NTM: variants seen among roughly 807,000 people sequenced by gnomAD.
NTM encodes IgLON family member 2.
A neutral mutation model predicts 42.1 loss-of-function variants in NTM; 13 were observed. The ratio of observed to expected loss-of-function variants is 0.31; its 90% CI spans 0.20 to 0.49. The LOEUF (loss-of-function observed/expected upper bound fraction) is 0.49. NTM is among the 20% of genes least tolerant of loss of function. NTM has a pLI of 0.99. For synonymous variants in NTM, 187 were observed against 179.2 expected (o/e 1.04, Z -0.35); for missense variants, 373 against 452.8 (o/e 0.82, Z 1.60).
intron 2 of NTM, among the ~76,000 whole-genome samples, chr11:131,965,477 C>T (rs935349075): frequency 1.3e-5 from 2 of 152,094 alleles, no homozygotes; most frequent in African/African-American, 2.4e-5. Flanking sequence ...AAAAGGGCAT[C>T]GGCACATTAT....
At chr11:131,753,037 T>C (rs1236752547) in intron 1 of NTM, among the ~76,000 whole-genome samples, 1 of 126,080 alleles carries the variant, frequency 7.9e-6, no homozygotes. Flanking sequence ...CACAAACAAA[T>C]TTACAAGAAA....
At chr11:131,690,610 A>G (rs1008766924) in intron 1 of NTM, among the ~76,000 whole-genome samples, 1 of 152,256 alleles carries the variant, frequency 6.6e-6, no homozygotes, top group African/African-American at 2.4e-5. Context: ...ACGGAAATAC[A>G]GAACACACTT....
At chr11:131,928,149 C>G (rs576564572) in intron 2 of NTM, among the ~76,000 whole-genome samples, 3 of 151,782 alleles carry the variant, frequency 2.0e-5, no homozygotes, top group Admixed American at 6.6e-5. Flanking sequence ...AAACCAACAT[C>G]GGTAGAAGCA....
intron 2 of NTM, among the ~76,000 whole-genome samples, chr11:132,034,662 C>T (rs1364268187): frequency 6.6e-6 from 1 of 152,168 alleles, no homozygotes; most frequent in Non-Finnish European, 1.5e-5. Flanking sequence ...AGTTTAGGGA[C>T]AAAGGAACCT....
intron 1 of NTM, among the ~76,000 whole-genome samples, chr11:131,888,948 AC>A (rs1435628845): frequency 1.3e-5 from 2 of 151,166 alleles, no homozygotes; most frequent in Non-Finnish European, 2.9e-5. Flanking sequence ...AGGACCGTGG[AC>A]ATAATTTGTA....
chr11:132,076,677 T>A (rs1447559091), intron 2 of NTM, among the ~76,000 whole-genome samples: 1 of 152,208 alleles, frequency 6.6e-6, no homozygotes, highest in Non-Finnish European at 1.5e-5. Context: ...TGAACATGCA[T>A]CCATGTTTTT....
At chr11:132,154,098 G>T (rs544557454) in intron 3 of NTM, among the ~76,000 whole-genome samples, 1 of 152,156 alleles carries the variant, frequency 6.6e-6, no homozygotes, top group African/African-American at 2.4e-5. Flanking sequence ...ATGGTCACAG[G>T]GCAGAGTTCC....
chr11:131,859,943 C>T (rs991439403), intron 1 of NTM, among the ~76,000 whole-genome samples: 17 of 151,874 alleles, frequency 1.1e-4, no homozygotes, highest in South Asian at 4.2e-4. Context: ...TTCTCACTTC[C>T]TCCCCACTCC....
intron 1 of NTM, among the ~76,000 whole-genome samples, chr11:131,423,994 G>C (rs940901411): frequency 6.6e-6 from 1 of 152,180 alleles, no homozygotes; most frequent in Non-Finnish European, 1.5e-5. Flanking sequence ...CAGCTGGTTA[G>C]GGAGGTAACC....
intron 2 of NTM, among the ~76,000 whole-genome samples, chr11:131,986,288 G>C (rs1393286712): frequency 6.6e-6 from 1 of 152,198 alleles, no homozygotes; most frequent in Admixed American, 6.5e-5. Flanking sequence ...GATTGGATGA[G>C]AGTCATCTGC....
At chr11:132,253,884 A>C (rs1475330872) in intron 4 of NTM, among the ~76,000 whole-genome samples, 1 of 152,138 alleles carries the variant, frequency 6.6e-6, no homozygotes, top group Non-Finnish European at 1.5e-5. Context: ...TGTCCTTTCC[A>C]TCTGCATATA....
intron 1 of NTM, among the ~76,000 whole-genome samples, chr11:131,380,749 G>A (rs1443262323): frequency 6.6e-6 from 1 of 152,132 alleles, no homozygotes; most frequent in African/African-American, 2.4e-5. Context: ...AGGAAGACCT[G>A]AGATCCCACT....
At chr11:131,440,243 C>T (rs531361485) in intron 1 of NTM, among the ~76,000 whole-genome samples, 2 of 152,004 alleles carry the variant, frequency 1.3e-5, no homozygotes, top group South Asian at 4.2e-4. Flanking sequence ...TTATTCTCTG[C>T]TTATTGTTAT....
At chr11:132,301,618 T>C (rs1165205469) in intron 4 of NTM, among the ~76,000 whole-genome samples, 3 of 152,136 alleles carry the variant, frequency 2.0e-5, no homozygotes, top group Non-Finnish European at 4.4e-5. Flanking sequence ...ATAATGGCAC[T>C]GGGGGAATAC....
intron 1 of NTM, among the ~76,000 whole-genome samples, chr11:131,585,236 C>G (rs986478438): frequency 2.0e-5 from 3 of 152,154 alleles, no homozygotes; most frequent in Admixed American, 6.5e-5. Context: ...GTTTTTCCCC[C>G]CTTCCTTTCC....
At chr11:131,779,588 G>A (rs2087690038) in intron 1 of NTM, among the ~76,000 whole-genome samples, 2 of 152,260 alleles carry the variant, frequency 1.3e-5, no homozygotes, top group Admixed American at 1.3e-4. Context: ...GATTAAGAAA[G>A]TATCACATGT....
chr11:131,925,899 A>T (rs1158298184), intron 2 of NTM, among the ~76,000 whole-genome samples: 4 of 152,044 alleles, frequency 2.6e-5, no homozygotes, highest in Non-Finnish European at 5.9e-5. Flanking sequence ...ATCTTGTCTT[A>T]CTTTTGTTGT....
intron 1 of NTM, among the ~76,000 whole-genome samples, chr11:131,614,097 G>T (rs1225937597): frequency 6.6e-6 from 1 of 152,138 alleles, no homozygotes; most frequent in Non-Finnish European, 1.5e-5. Flanking sequence ...GACTTGCAAG[G>T]TTCACTGAGA....
intron 2 of NTM, among the ~76,000 whole-genome samples, chr11:132,050,729 G>T (rs1367712991): frequency 6.6e-6 from 1 of 152,194 alleles, no homozygotes; most frequent in Non-Finnish European, 1.5e-5. Context: ...AGCAAAAGGT[G>T]CCCAGGCCAC....
Sources: gnomAD v4.1 joint callset for allele counts (sites outside exome capture counted in the v4.1 genomes callset) on GRCh38, gnomAD v4.1.1 for gene constraint, MANE v1.5 for transcripts, NCBI Gene and HGNC (gene_info 2026-07-23, HGNC 2026-07-21) for gene names.